Variants in PRR35 observed in about 807,000 individuals in gnomAD.
The protein encoded by PRR35 is proline-rich protein 35.
PRR35 carries 14 observed loss-of-function variants against 18.6 expected under a neutral mutation model. The observed-to-expected ratio is 0.75, with a 90% CI of 0.50 to 1.18. The LOEUF is 1.18. Ranked by LOEUF, PRR35 falls within the 50% of genes most tolerant of loss-of-function variation. The probability of loss-of-function intolerance (pLI) is 0.00; values close to 1 mark genes in which losing one functional copy is unlikely to be tolerated. For missense variants in PRR35, 832 were observed against 792.2 expected (o/e 1.05, Z -0.60); for synonymous variants, 425 against 378.2 (o/e 1.12, Z -1.43).
At position 563,342 on chromosome 16, in the gene PRR35, G is replaced by A. The variant is rs775769630; in HGVS notation, c.48G>A (p.Ala16=). The change falls in exon 2 of 3, where the codon GCG becomes GCA. Residue 16 remains alanine, a synonymous_variant. Transcript: ENST00000409413. ...GSCRVGTGAR[A]RSRKPKKPHY... is the part of the protein sequence containing the mutation. Reference sequence around the variant, plus strand: ...GCCGCGTGGGCACAGGGGCGAGGGCGCGGTCTCGGAAGCCCAAGAAGCCAC... The same window carrying A: ...GCCGCGTGGGCACAGGGGCGAGGGCACGGTCTCGGAAGCCCAAGAAGCCAC... The A allele has an allele frequency of 1.4e-5, 23 of 1,611,922 alleles. No homozygotes were observed. The highest frequency in any genetic ancestry group is 1.7e-4 in the Middle Eastern group (1 of 6,056).
At chr16:563,198 A>G (rs1244662282) in intron 1 of PRR35, 58 bp from the exon 2 acceptor site, 5 of 1,401,990 alleles carry the variant, frequency 3.6e-6, no homozygotes, top group Non-Finnish European at 4.7e-6. Context: ...CCATGGATGG[A>G]GAGGAGTGGG....
intron 1 of PRR35, 124 bp from the exon 2 acceptor site, chr16:563,132 G>C: frequency 1.0e-6 from 1 of 981,456 alleles, no homozygotes; most frequent in Non-Finnish European, 1.4e-6. Flanking sequence ...ACGTTGCAGG[G>C]CAGAGGCGGC....
intron 1 of PRR35, among the ~76,000 whole-genome samples, chr16:562,381 C>T (rs2035447498): frequency 6.6e-6 from 1 of 152,270 alleles, no homozygotes. Context: ...CACCTGACGC[C>T]CTGCTAGAGC....
At position 564,885 on chromosome 16, in the gene PRR35, GC is replaced by G; in HGVS notation, c.1298del (p.Pro433ArgfsTer26). 1.3e-6 allele frequency: 2 copies of G among 1,579,108 alleles called. No homozygotes were observed. Among genetic ancestry groups the G allele is most frequent in the African/African-American group, 1.4e-5 (1 of 74,002 alleles). On this transcript the variant is annotated frameshift_variant, in exon 3 of 3. Transcript: ENST00000409413. LOFTEE classifies it low-confidence loss of function (END_TRUNC). ...ACAGTTGGGGCCCGCGGGGGGCCTG[GC>G]CCCGAGACCCCTGCGGGAGCAGCTG... ...LGQLGPAGGL[A>X]PRPLREQLGK...
intron 1 of PRR35, among the ~76,000 whole-genome samples, chr16:561,010 G>GT (rs2035425207): frequency 6.6e-6 from 1 of 151,918 alleles, no homozygotes; most frequent in South Asian, 2.1e-4. Flanking sequence ...TGCCCTGTGG[G>GT]GGTGCCTGTG....
In PRR35 at chr16:563,727, G is replaced by C; in HGVS notation, c.433G>C (p.Ala145Pro). 6.5e-7 allele frequency: 1 copy of C among 1,535,196 alleles called. No homozygotes were observed. Among genetic ancestry groups the C allele is most frequent in the Non-Finnish European group, 8.7e-7 (1 of 1,144,544 alleles). The change falls in exon 2 of 3, where the codon GCT (alanine) becomes CCT (proline). Residue 145 changes from alanine (A) to proline (P), a missense_variant. Ala to Pro is a conservative substitution (Grantham distance 27). Around this residue, in one of 3 missense-constraint regions of PRR35, gnomAD observed 768 missense variants for 704.1 expected, o/e 1.09. Coordinates refer to ENST00000409413, the MANE Select transcript of PRR35 (RefSeq NM_145270.3). ...KGSPGPPPPV[A>P]RATRKGPGPS... ...GTCCCCAGGGCCACCACCCCCTGTG[G>C]CTAGGGCCACCCGGAAGGGTCCCGG...
At chr16:560,746 G>C in intron 1 of PRR35, 85 bp downstream of exon 1, 2 of 940,218 alleles carry the variant, frequency 2.1e-6, no homozygotes, top group Non-Finnish European at 2.5e-6. Context: ...CGGGTGGCCA[G>C]GCGTGTGGGG....
chr16:565,059 G>A lies in PRR35; in HGVS notation c.1468G>A (p.Gly490Ser), dbSNP rs754697003. ...LGEAWGRPEL[G>S]PVLTGGTPEP... The stretch of plus-strand genomic sequence containing the variant: ...AGAGGCGTGGGGGCGGCCCGAGCTG[G>A]GTCCCGTGTTGACCGGGGGCACCCC... The change falls in exon 3 of 3, where the codon GGT becomes AGT. Residue 490 changes from glycine (G) to serine (S), a missense_variant. By Grantham distance (56) the Gly-to-Ser change is moderately conservative. Around this residue, in one of 3 missense-constraint regions of PRR35, gnomAD observed 768 missense variants for 704.1 expected, o/e 1.09. Transcript: ENST00000409413. The A allele has an allele frequency of 1.3e-6, 2 of 1,593,446 alleles. No individual in the cohort carries two copies. The highest frequency in any genetic ancestry group is 1.7e-6 in the Non-Finnish European group (2 of 1,170,294).
chr16:564,963 G>A lies in PRR35; in HGVS notation c.1372G>A (p.Val458Met), dbSNP rs376789660. ...CATTCACCAGGCGCTGGAGCAGGCCGTGAGGCCGCCAGACGCACCCCTCGA... is the reference window on the plus strand; with the variant it reads ...CATTCACCAGGCGCTGGAGCAGGCCATGAGGCCGCCAGACGCACCCCTCGA... ...LTIHQALEQA[V>M]RPPDAPLDLS... Residue 458 changes from valine to methionine, a missense_variant, in exon 3 of 3, where the codon GTG becomes ATG. Val to Met is a conservative substitution (Grantham distance 21). This residue lies in a region of PRR35 where 768 missense variants were observed against 704.1 expected (regional missense o/e 1.09). Coordinates refer to ENST00000409413, the MANE Select transcript of PRR35 (RefSeq NM_145270.3). 1.8e-5 allele frequency: 29 copies of A among 1,605,624 alleles called. No homozygotes were observed. Among genetic ancestry groups the A allele is most frequent in the Admixed American group, 1.7e-4 (10 of 59,538 alleles).
At position 564,890 on chromosome 16, in the gene PRR35, G is replaced by A. The variant is rs553664533; in HGVS notation, c.1299G>A (p.Pro433=). 2.5e-5 allele frequency: 39 copies of A among 1,584,878 alleles called. No homozygotes were observed. The highest frequency in any genetic ancestry group is 1.1e-4 in the African/African-American group (8 of 74,156). ...GQLGPAGGLA[P]RPLREQLGKI... The stretch of plus-strand genomic sequence containing the variant: ...TGGGGCCCGCGGGGGGCCTGGCCCC[G>A]AGACCCCTGCGGGAGCAGCTGGGCA... The change falls in exon 3 of 3, where the codon CCG becomes CCA. Residue 433 remains proline, a synonymous_variant. Coordinates refer to ENST00000409413, the MANE Select transcript of PRR35 (RefSeq NM_145270.3).
Position 563,669 on chromosome 16 carries a change from C to G in PRR35, c.375C>G (p.His125Gln). ...DLVVADIHSL[H>Q]CGGGPKSRAK... ...TGGTCGCCGACATCCACTCCCTGCACTGTGGCGGAGGCCCCAAGTCCAGGG... is the reference window on the plus strand; with the variant it reads ...TGGTCGCCGACATCCACTCCCTGCAGTGTGGCGGAGGCCCCAAGTCCAGGG... The change falls in exon 2 of 3, where the codon CAC becomes CAG. Residue 125 changes from histidine to glutamine, a missense_variant. His to Gln is a conservative substitution (Grantham distance 24). Transcript: ENST00000409413. The G allele has an allele frequency of 6.4e-7, 1 of 1,571,310 alleles. No individual in the cohort carries two copies. The highest frequency in any genetic ancestry group is 2.3e-5 in the East Asian group (1 of 43,214).
chr16:562,569 ATG>A (rs1389613174), intron 1 of PRR35, among the ~76,000 whole-genome samples: 5 of 150,024 alleles, frequency 3.3e-5, no homozygotes, highest in Non-Finnish European at 7.4e-5. Context: ...ACACACGTGC[ATG>A]CACACGCACA....
In PRR35 at chr16:564,820, G is replaced by A. The variant is rs376577760; in HGVS notation, c.1229G>A (p.Arg410Gln). 10 of 1,559,704 alleles carry A rather than the reference G, an allele frequency of 6.4e-6. No homozygotes were observed. Among genetic ancestry groups the A allele is most frequent in the African/African-American group, 1.4e-5 (1 of 73,850 alleles). The change falls in exon 3 of 3, where the codon CGA (arginine) becomes CAA (glutamine). Residue 410 changes from arginine (R) to glutamine (Q), a missense_variant. Transcript: ENST00000409413. ...SPEHVGEDLT[R>Q]ALGDYARVEQ... The stretch of plus-strand genomic sequence containing the variant: ...GAGCATGTGGGCGAGGACCTGACCC[G>A]AGCCCTCGGTGACTACGCCAGGGTG...
In PRR35 at chr16:563,942, C is replaced by T. The variant is rs1489063632; in HGVS notation, c.648C>T (p.Ser216=). 1.9e-6 allele frequency: 3 copies of T among 1,596,124 alleles called. No homozygotes were observed. Among genetic ancestry groups the T allele is most frequent in the Admixed American group, 3.4e-5 (2 of 58,192 alleles). ...TGCTGGGCGTCAACTACCCGCTCAG[C>T]CCCGGCCTCTTCTCCTACTTGGGGC... The part of the protein sequence containing the change: ...LSLLGVNYPL[S]PGLFSYLGPS... Residue 216 remains serine (S), a synonymous_variant, in exon 2 of 3, where the codon AGC becomes AGT. Transcript: ENST00000409413.
Position 563,329 on chromosome 16 carries a change from C to G in PRR35, c.35C>G (p.Thr12Arg). The G allele has an allele frequency of 2.5e-6, 4 of 1,611,322 alleles. No homozygotes were observed. Among genetic ancestry groups the G allele is most frequent in the Non-Finnish European group, 3.4e-6 (4 of 1,179,434 alleles). ...GAGGCGGGCTCATGCCGCGTGGGCA[C>G]AGGGGCGAGGGCGCGGTCTCGGAAG... ...SREAGSCRVG[T>R]GARARSRKPK... is the part of the protein sequence containing the mutation. The change falls in exon 2 of 3, where the codon ACA becomes AGA. Residue 12 changes from threonine to arginine, a missense_variant. Physicochemically the swap from Thr to Arg is moderately conservative, Grantham distance 71. Around this residue, in one of 3 missense-constraint regions of PRR35, gnomAD observed 56 missense variants for 64.8 expected, o/e 0.86. Coordinates refer to ENST00000409413, the MANE Select transcript of PRR35 (RefSeq NM_145270.3).
In PRR35 at chr16:565,226, G is replaced by A. The variant is rs773463527; in HGVS notation, c.1635G>A (p.Trp545Ter). 1.1e-5 allele frequency: 17 copies of A among 1,608,884 alleles called. No individual in the cohort carries two copies. Among genetic ancestry groups the A allele is most frequent in the African/African-American group, 1.3e-5 (1 of 74,788 alleles). The change falls in exon 3 of 3, where the codon TGG becomes TGA. Residue 545 changes from tryptophan to a stop codon, truncating the protein, a stop_gained. Coordinates refer to ENST00000409413, the MANE Select transcript of PRR35 (RefSeq NM_145270.3). LOFTEE classifies it low-confidence loss of function (END_TRUNC). ...PDDPVIPGSGWGTCVATRSSQ... is the reference protein window; with the variant it reads ...PDDPVIPGSG ...ACCCTGTCATTCCTGGCAGTGGCTG[G>A]GGCACCTGTGTTGCGACGAGGAGTT...
chr16:563,119 G>A (rs1050743632), intron 1 of PRR35, 137 bp from the exon 2 acceptor site: 3 of 805,704 alleles, frequency 3.7e-6, no homozygotes, highest in Admixed American at 3.5e-5. Context: ...GGGCTCGGGG[G>A]GCACGTTGCA....
chr16:560,540 C>A lies in PRR35; in HGVS notation c.-161C>A. ...CCCCCACGGGAGCCGCATCCCACCCCCAGAGCCCCAGCGCGTCCGCGGGGT... is the reference window on the plus strand; with the variant it reads ...CCCCCACGGGAGCCGCATCCCACCCACAGAGCCCCAGCGCGTCCGCGGGGT... On this transcript the variant is annotated 5_prime_UTR_variant, in exon 1 of 3. Coordinates refer to ENST00000409413, the MANE Select transcript of PRR35 (RefSeq NM_145270.3). The A allele has an allele frequency of 2.0e-6, 2 of 983,018 alleles. No homozygotes were observed. The highest frequency in any genetic ancestry group is 2.4e-6 in the Non-Finnish European group (2 of 828,940). 60.9% of individuals were successfully genotyped at this position (983,018 alleles called of 1,614,324 possible). A position where few individuals can be genotyped will look rare whatever the true frequency, so the allele number is the denominator to read the frequency against.
At position 564,368 on chromosome 16, in the gene PRR35, C is replaced by T. The variant is rs753387435; in HGVS notation, c.1074C>T (p.Ser358=). The T allele has an allele frequency of 2.5e-6, 4 of 1,589,358 alleles. No individual in the cohort carries two copies. The highest frequency in any genetic ancestry group is 1.3e-5 in the African/African-American group (1 of 74,726). Residue 358 remains serine, a synonymous_variant, in exon 2 of 3, where the codon TCC becomes TCT. Coordinates refer to ENST00000409413, the MANE Select transcript of PRR35 (RefSeq NM_145270.3). ...KASPSLTRFC[S]RSSLPTGSSV... Reference sequence around the variant, plus strand: ...CCCCCAGCCTGACAAGGTTCTGTTCCCGGAGCAGGTGGGCGTCTTGGGCTC... The same window carrying T: ...CCCCCAGCCTGACAAGGTTCTGTTCTCGGAGCAGGTGGGCGTCTTGGGCTC...
Sources: allele counts gnomAD v4.1 joint callset (sites outside exome capture counted in the v4.1 genomes callset), GRCh38; gene constraint gnomAD v4.1.1; regional missense constraint gnomAD v4.1.1; transcripts MANE v1.5; gene names NCBI Gene and HGNC (gene_info 2026-07-23, HGNC 2026-07-21).